Variants in ALYREF observed in about 807,000 individuals in gnomAD.
ALYREF encodes Aly/REF export factor, also known as THO complex subunit 4.
Under a neutral mutation model 25.2 loss-of-function variants are expected in ALYREF, and 1 was observed. The ratio of observed to expected loss-of-function variants is 0.04; its 90% CI spans 0.01 to 0.19. ALYREF has a LOEUF of 0.19. Among genes scored for constraint, ALYREF ranks in the 10% least tolerant of loss-of-function variants. ALYREF has a pLI of 1.00. For missense variants in ALYREF, 328 were observed against 375.6 expected (o/e 0.87, Z 1.05); for synonymous variants, 193 against 153.5 (o/e 1.26, Z -1.90).
rs1322580812 is a variant in ALYREF, at chr17:81,888,221, C to G, written c.780+20G>C. 4.3e-6 allele frequency: 7 copies of G among 1,613,856 alleles called. No individual in the cohort carries two copies. Among genetic ancestry groups the G allele is most frequent in the Non-Finnish European group, 5.9e-6 (7 of 1,179,974 alleles). On this transcript the variant is annotated intron_variant, in intron 5 of 5. Coordinates refer to ENST00000505490, the MANE Select transcript of ALYREF (RefSeq NM_005782.4). The surrounding 1 kb of genome is among the most constrained non-coding windows in gnomAD (Gnocchi z 5.8). ...ACTGCGGCTTTGACCAGGCCCCCAG[C>G]TGGCTCCCCCGGGACTCACTCTCGC... is the stretch of plus-strand genomic sequence containing the variant.
chr17:81,890,178 G>A (rs1021119699), intron 2 of ALYREF, among the ~76,000 whole-genome samples: 2 of 152,046 alleles, frequency 1.3e-5, no homozygotes, highest in Admixed American at 6.6e-5. Context: ...ACCAAAGATG[G>A]ATTTGAGAGT....
At position 81,888,762 on chromosome 17, in the gene ALYREF, CCCA is replaced by C. The variant is rs1347940619; in HGVS notation, c.539-182_539-180del. ...GAGAACAAAATGGCAAGGAAGCAAC[CCCA>C]CCAACACCTCCTCACTCCTTCTCAG... is the stretch of plus-strand genomic sequence containing the variant. On this transcript the variant is annotated intron_variant, in intron 3 of 5. Coordinates refer to ENST00000505490, the MANE Select transcript of ALYREF (RefSeq NM_005782.4). The surrounding 1 kb of genome is among the most constrained non-coding windows in gnomAD (Gnocchi z 5.8). 4 of 1,451,440 alleles carry C rather than the reference CCCA, an allele frequency of 2.8e-6. No homozygotes were observed. Among genetic ancestry groups the C allele is most frequent in the Non-Finnish European group, 3.6e-6 (4 of 1,101,718 alleles). 89.9% of individuals were successfully genotyped at this position (1,451,440 alleles called of 1,614,324 possible).
chr17:81,890,935 C>T, intron 1 of ALYREF, 115 bp from the exon 2 acceptor site: 1 of 1,485,548 alleles, frequency 6.7e-7, no homozygotes, highest in Non-Finnish European at 9.1e-7. Context: ...CCGGCCGAAA[C>T]GGGGCCGCCA....
At chr17:81,889,410 G>GT (rs1024246460) in intron 2 of ALYREF, 81 bp from the exon 3 acceptor site, 1 of 1,529,678 alleles carries the variant, frequency 6.5e-7, no homozygotes, top group African/African-American at 1.4e-5. Flanking sequence ...CCCTGGAAGC[G>GT]TGAGTTGCTT....
rs545534575 is a variant in ALYREF, at chr17:81,889,458, G to C, written c.391-129C>G. ...TCTGGGAGGCAGGACAGTGGTTAAC[G>C]GGAAATGAGGGAAGGGCGGGGCAGG... On this transcript the variant is annotated intron_variant, in intron 2 of 5. Transcript: ENST00000505490. The C allele has an allele frequency of 2.8e-4, 290 of 1,041,694 alleles. 1 individual carries two copies. In the African/African-American group the frequency reaches 4.0e-3, roughly 14 times the overall value. 64.5% of individuals were successfully genotyped at this position (1,041,694 alleles called of 1,614,324 possible).
In ALYREF at chr17:81,888,309, C is replaced by T. The variant is rs1197791254; in HGVS notation, c.712G>A (p.Gly238Ser). The T allele has an allele frequency of 5.0e-6, 8 of 1,607,370 alleles. No individual in the cohort carries two copies. The highest frequency in any genetic ancestry group is 3.3e-5 in the Admixed American group (2 of 59,910). The change falls in exon 5 of 6, where the codon GGC becomes AGC. Residue 238 changes from glycine (G) to serine (S), a missense_variant. This residue lies in a region of ALYREF where 108 missense variants were observed against 110.5 expected (regional missense o/e 0.98). Transcript: ENST00000505490. This position sits in a 1 kb window ranked among gnomAD's most constrained non-coding sequence, Gnocchi z 5.8. ...GGARGRGRGA[G>S]RNSKQQLSAE... is the part of the protein sequence containing the mutation. ...GAAAGCTGCTGCTTTGAATTCCTGC[C>T]GGCACCTCTGCCTCTTCCACGGGCG...
intron 2 of ALYREF, chr17:81,889,666 C>T (rs1463439669): frequency 1.6e-5 from 4 of 246,314 alleles, no homozygotes; most frequent in Non-Finnish European, 3.3e-5. Flanking sequence ...TTCCAAGAAA[C>T]GGTAAAGGCC....
intron 2 of ALYREF, among the ~76,000 whole-genome samples, chr17:81,890,472 T>C (rs376737200): frequency 1.8e-4 from 28 of 152,258 alleles, no homozygotes; most frequent in Non-Finnish European, 1.0e-4. Flanking sequence ...ACAGAACCCA[T>C]CTTCAGACTA....
rs1265076140 is a variant in ALYREF, at chr17:81,891,509, C to T, written c.72G>A (p.Arg24=). Residue 24 remains arginine, a synonymous_variant, in exon 1 of 6, where the codon CGG becomes CGA. Coordinates refer to ENST00000505490, the MANE Select transcript of ALYREF (RefSeq NM_005782.4). ...CCCCGCCCCGGCCGCCTCGCTGGCT[C>T]CGGTTCAGTTTAATGATGTCGTCCA... ...MSLDDIIKLN[R]SQRGGRGGGR... 7.5e-7 allele frequency: 1 copy of T among 1,340,356 alleles called. No homozygotes were observed. The highest frequency in any genetic ancestry group is 2.7e-5 in the Admixed American group (1 of 36,702). 83.0% of individuals were successfully genotyped at this position (1,340,356 alleles called of 1,614,324 possible).
chr17:81,889,154 G>C, intron 3 of ALYREF, 28 bp downstream of exon 3: 2 of 1,609,740 alleles, frequency 1.2e-6, no homozygotes, highest in Non-Finnish European at 1.7e-6. Context: ...AAGCCCCACA[G>C]TCAGCGTGGG....
rs1043177902 is a variant in ALYREF at position 81,888,547 on chromosome 17, A to G, written c.575T>C (p.Ile192Thr). The G allele has an allele frequency of 3.1e-6, 5 of 1,597,300 alleles. No homozygotes were observed. Among genetic ancestry groups the G allele is most frequent in the Admixed American group, 3.5e-5 (2 of 57,168 alleles). Residue 192 changes from isoleucine to threonine, a missense_variant, in exon 4 of 6, where the codon ATT becomes ACT. Around this residue, in one of 3 missense-constraint regions of ALYREF, gnomAD observed 108 missense variants for 110.5 expected, o/e 0.98. Coordinates refer to ENST00000505490, the MANE Select transcript of ALYREF (RefSeq NM_005782.4). The surrounding 1 kb of genome is among the most constrained non-coding windows in gnomAD (Gnocchi z 5.8). ...PMNIQLVTSQ[I>T]DAQRRPAQSV... ...CTGTGCAGGCCTCCGCTGTGCGTCA[A>G]TCTGTGACGTGACAAGCTGAATGTT...
At position 81,889,200 on chromosome 17, in the gene ALYREF, T is replaced by G; in HGVS notation, c.520A>C (p.Asn174His). ...ADALKAMKQYNGVPLDGRPMN... is the reference protein window; with the variant it reads ...ADALKAMKQYHGVPLDGRPMN... ...GACTCACCATCCAGAGGGACGCCGTTGTACTGCTTCATGGCCTTCAGGGCA... is the reference window on the plus strand; with the variant it reads ...GACTCACCATCCAGAGGGACGCCGTGGTACTGCTTCATGGCCTTCAGGGCA... Residue 174 changes from asparagine to histidine, a missense_variant, in exon 3 of 6, where the codon AAC becomes CAC. By Grantham distance (68) the Asn-to-His change is moderately conservative. Coordinates refer to ENST00000505490, the MANE Select transcript of ALYREF (RefSeq NM_005782.4). 1 of 1,614,190 alleles carries G rather than the reference T, an allele frequency of 6.2e-7. No homozygotes were observed. The highest frequency in any genetic ancestry group is 1.6e-4 in the Middle Eastern group (1 of 6,062).
At position 81,891,563 on chromosome 17, in the gene ALYREF, G is replaced by T; in HGVS notation, c.18C>A (p.Pro6=). The T allele has an allele frequency of 1.4e-6, 2 of 1,438,278 alleles. No homozygotes were observed. The highest frequency in any genetic ancestry group is 3.3e-5 in the East Asian group (1 of 30,704). 89.1% of individuals were successfully genotyped at this position (1,438,278 alleles called of 1,614,324 possible). A position where few individuals can be genotyped will look rare whatever the true frequency, so the allele number is the denominator to read the frequency against. ...ACATGTCCATTTTGTCGGCCATGGC[G>T]GGCGCGGAATCGGGCATCGGCTCGA... is the stretch of plus-strand genomic sequence containing the variant. MPDSA[P]AMADKMDMSL... is the part of the protein sequence containing the mutation. The change falls in exon 1 of 6, where the codon CCC becomes CCA. Residue 6 remains proline, a synonymous_variant. Transcript: ENST00000505490.
intron 1 of ALYREF, 116 bp from the exon 2 acceptor site, chr17:81,890,936 G>A (rs903822121): frequency 4.1e-6 from 6 of 1,474,160 alleles, no homozygotes; most frequent in Admixed American, 2.0e-5. Context: ...CGGCCGAAAC[G>A]GGGCCGCCAG....
intron 1 of ALYREF, 49 bp downstream of exon 1, chr17:81,891,274 C>A: frequency 9.0e-7 from 1 of 1,105,440 alleles, no homozygotes; most frequent in South Asian, 3.9e-5. Flanking sequence ...CGGCCCCAGC[C>A]CCGGCTGGCC....
rs2039530554 is a variant in ALYREF at position 81,891,561 on chromosome 17, G to C, written c.20C>G (p.Ala7Gly). 7.0e-7 allele frequency: 1 copy of C among 1,438,568 alleles called. No individual in the cohort carries two copies. The highest frequency in any genetic ancestry group is 1.5e-5 in the African/African-American group (1 of 66,890). 89.1% of individuals were successfully genotyped at this position (1,438,568 alleles called of 1,614,324 possible). ...AGACATGTCCATTTTGTCGGCCATG[G>C]CGGGCGCGGAATCGGGCATCGGCTC... The part of the protein sequence containing the change: MPDSAP[A>G]MADKMDMSLD... Residue 7 changes from alanine to glycine, a missense_variant, in exon 1 of 6, where the codon GCC becomes GGC. Around this residue, in one of 3 missense-constraint regions of ALYREF, gnomAD observed 150 missense variants for 135.3 expected, o/e 1.11. Coordinates refer to ENST00000505490, the MANE Select transcript of ALYREF (RefSeq NM_005782.4).
intron 3 of ALYREF, 101 bp downstream of exon 3, chr17:81,889,081 G>C (rs2039468289): frequency 6.6e-7 from 1 of 1,516,398 alleles, no homozygotes; most frequent in Non-Finnish European, 8.9e-7. Context: ...CAAATGCAAA[G>C]TGTCCTCAGC....
At position 81,887,933 on chromosome 17, in the gene ALYREF, G is replaced by A. The variant is rs1371684392; in HGVS notation, c.*198C>T. On this transcript the variant is annotated 3_prime_UTR_variant, in exon 6 of 6. Transcript: ENST00000505490. ...TAAAATTTATCCCAAAAATAACTCG[G>A]TACAAAACAGGTCTGTTTCAGAATT... 1 of 617,744 alleles carries A rather than the reference G, an allele frequency of 1.6e-6. No homozygotes were observed. The highest frequency in any genetic ancestry group is 2.5e-6 in the Non-Finnish European group (1 of 392,952). 38.3% of individuals were successfully genotyped at this position (617,744 alleles called of 1,614,324 possible).
In ALYREF at chr17:81,888,427, G is replaced by A. The variant is rs1286505468; in HGVS notation, c.603-9C>T. On this transcript the variant is annotated splice_polypyrimidine_tract_variant and intron_variant, in intron 4 of 5. Coordinates refer to ENST00000505490, the MANE Select transcript of ALYREF (RefSeq NM_005782.4). This position sits in a 1 kb window ranked among gnomAD's most constrained non-coding sequence, Gnocchi z 5.8. Reference sequence around the variant, plus strand: ...TGCCACCTCTGTTTACGCTAGCAAGGAAGACGAAACCGTTCACACACCCGG... The same window carrying A: ...TGCCACCTCTGTTTACGCTAGCAAGAAAGACGAAACCGTTCACACACCCGG... 10 of 1,598,594 alleles carry A rather than the reference G, an allele frequency of 6.3e-6. No individual in the cohort carries two copies. In the Admixed American group the frequency reaches 6.8e-5, roughly 11 times the overall value.
Sources: allele counts gnomAD v4.1 joint callset (sites outside exome capture counted in the v4.1 genomes callset), GRCh38; gene constraint gnomAD v4.1.1; regional missense constraint gnomAD v4.1.1; non-coding constraint Gnocchi (gnomAD v3.1); transcripts MANE v1.5; gene names NCBI Gene and HGNC (gene_info 2026-07-23, HGNC 2026-07-21).